MOK: variants seen among roughly 807,000 people sequenced by gnomAD.
MOK encodes the protein MAPK/MAK/MRK overlapping kinase.
MOK carries 59 observed loss-of-function variants against 54.2 expected under a neutral mutation model. That is an observed-to-expected ratio of 1.09 (90% CI 0.88 to 1.35). MOK has a LOEUF of 1.35. MOK is among the 40% of genes most tolerant of loss of function. The pLI is 0.00. For missense variants in MOK, 517 were observed against 526.2 expected, an observed-to-expected ratio of 0.98 and a Z score of 0.17; for synonymous variants, 210 against 202.7, an observed-to-expected ratio of 1.04 and a Z score of -0.31.
chr14:102,296,508 T>C (rs567693903), intron 1 of MOK, among the ~76,000 whole-genome samples: 30 of 152,204 alleles, frequency 2.0e-4, no homozygotes, highest in African/African-American at 1.9e-4. Context: ...CTGTGGCAAA[T>C]AGGGGAAGGT....
Position 102,235,902 on chromosome 14 carries a change from A to T in MOK, c.591-2113T>A, listed in dbSNP as rs2065179718. On this transcript the variant is annotated intron_variant, in intron 7 of 11. Transcript: ENST00000361847. This position sits in a 1 kb window ranked among gnomAD's most constrained non-coding sequence, Gnocchi z 4.4. ...AAAATAAATTAGATAAAGCCCAAAG[A>T]GATCGTGCTAAATACCAGCTTCTAG... Among the ~76,000 whole-genome samples, 2 of 150,488 alleles carry T rather than the reference A, an allele frequency of 1.3e-5. No individual in the cohort carries two copies. Among genetic ancestry groups the T allele is most frequent in the Admixed American group, 6.6e-5 (1 of 15,190 alleles).
In MOK at chr14:102,277,617, C is replaced by CA. The variant is rs560243565; in HGVS notation, c.122+5860dup. Among the ~76,000 whole-genome samples the CA allele has an allele frequency of 5.1e-3, 490 of 95,384 alleles. 3 individuals are homozygous for CA. Among genetic ancestry groups the CA allele is most frequent in the Middle Eastern group, 6.8e-3 (1 of 148 alleles). The allele number at this position is 95,384 out of a possible 152,430, so 62.6% of individuals were successfully genotyped here. On this transcript the variant is annotated intron_variant, in intron 2 of 11. Transcript: ENST00000361847. The stretch of plus-strand genomic sequence containing the variant: ...TGGGCAACAGAGCAAGACTCCGTCT[C>CA]AAAAAAAAAAAAAAAGAGATAAACT...
At chr14:102,291,880 C>G (rs1193931707) in intron 1 of MOK, among the ~76,000 whole-genome samples, 1 of 151,950 alleles carries the variant, frequency 6.6e-6, no homozygotes, top group African/African-American at 2.4e-5. Flanking sequence ...ACTGTCTGAA[C>G]CTGGGAGGCG....
intron 4 of MOK, 125 bp from the exon 5 acceptor site, chr14:102,252,120 T>C: frequency 1.6e-6 from 1 of 644,276 alleles, no homozygotes; most frequent in South Asian, 2.0e-5. Flanking sequence ...AAAAATAATC[T>C]GAAGTAGTCT....
At chr14:102,297,433 A>G (rs1199998848) in intron 1 of MOK, among the ~76,000 whole-genome samples, 1 of 152,246 alleles carries the variant, frequency 6.6e-6, no homozygotes, top group East Asian at 1.9e-4. Context: ...GAAGGAGATG[A>G]AAAGGATTAT....
intron 4 of MOK, among the ~76,000 whole-genome samples, chr14:102,256,262 GC>G (rs1007214348): frequency 4.6e-5 from 7 of 151,766 alleles, no homozygotes; most frequent in African/African-American, 1.7e-4. Context: ...ACACCCGGAT[GC>G]TTTTTTTTTT....
rs1254259622 is a variant in MOK at position 102,245,209 on chromosome 14, C to A, written c.590+5603G>T. On this transcript the variant is annotated intron_variant, in intron 7 of 11. Coordinates refer to ENST00000361847, the MANE Select transcript of MOK (RefSeq NM_014226.3). This position sits in a 1 kb window ranked among gnomAD's most constrained non-coding sequence, Gnocchi z 4.3. ...TCCTTCTAAGAACCCCACAATACCA[C>A]CCATTACCCCAAAATCTTCCTTCAG... Among the ~76,000 whole-genome samples, 1 of 152,060 alleles carries A rather than the reference C, an allele frequency of 6.6e-6. No individual in the cohort carries two copies.
intron 3 of MOK, among the ~76,000 whole-genome samples, chr14:102,265,449 T>C (rs1369793063): frequency 6.6e-6 from 1 of 152,112 alleles, no homozygotes; most frequent in African/African-American, 2.4e-5. Context: ...CTGGCCAACA[T>C]GGTGAAACCC....
chr14:102,243,944 C>T (rs796838982), intron 7 of MOK, among the ~76,000 whole-genome samples: 1 of 151,836 alleles, frequency 6.6e-6, no homozygotes, highest in Admixed American at 6.6e-5. Context: ...AAACTCATTG[C>T]TTTAACTCAA....
chr14:102,266,718 G>A (rs1424739934), intron 2 of MOK, among the ~76,000 whole-genome samples: 2 of 152,088 alleles, frequency 1.3e-5, no homozygotes, highest in Non-Finnish European at 2.9e-5. Flanking sequence ...AAGTAGGTGG[G>A]ATTATAGGCA....
intron 1 of MOK, among the ~76,000 whole-genome samples, chr14:102,286,191 C>T (rs902411823): frequency 7.0e-5 from 10 of 142,760 alleles, no homozygotes; most frequent in African/African-American, 2.1e-4. Flanking sequence ...CCCAGCTACT[C>T]GGGAGGCTGA....
At chr14:102,287,539 G>A (rs1009572042) in intron 1 of MOK, among the ~76,000 whole-genome samples, 2 of 152,036 alleles carry the variant, frequency 1.3e-5, no homozygotes, top group Non-Finnish European at 2.9e-5. Context: ...TCAATACAAA[G>A]ACAATCCAAC....
intron 1 of MOK, among the ~76,000 whole-genome samples, chr14:102,302,087 CTTTTT>C (rs1165298757): frequency 8.0e-6 from 1 of 125,332 alleles, no homozygotes; most frequent in Non-Finnish European, 1.7e-5. Flanking sequence ...CACACATATA[CTTTTT>C]TTTTTTTTTT....
rs1271158725 is a variant in MOK, at chr14:102,240,573, A to T, written c.591-6784T>A. ...TCTCTAGTAGAGACGAAGGAGACAC[A>T]TTTTATCTGTGGACTCAAAACTCCA... On this transcript the variant is annotated intron_variant, in intron 7 of 11. Coordinates refer to ENST00000361847, the MANE Select transcript of MOK (RefSeq NM_014226.3). This position sits in a 1 kb window ranked among gnomAD's most constrained non-coding sequence, Gnocchi z 5.4. 2 of 152,400 alleles carry T rather than the reference A, an allele frequency of 1.3e-5. No individual in the cohort carries two copies. The highest frequency in any genetic ancestry group is 2.4e-5 in the African/African-American group (1 of 41,390). The allele number at this position is 152,400 out of a possible 1,614,324, so 9.4% of individuals were successfully genotyped here.
chr14:102,289,196 C>A (rs963723733), intron 1 of MOK, among the ~76,000 whole-genome samples: 1 of 151,980 alleles, frequency 6.6e-6, no homozygotes, highest in African/African-American at 2.4e-5. Flanking sequence ...CGAGCCACTG[C>A]GCTTGGCCAA....
chr14:102,242,451 TC>T (rs1450189735), intron 7 of MOK, among the ~76,000 whole-genome samples: 1 of 152,082 alleles, frequency 6.6e-6, no homozygotes, highest in Non-Finnish European at 1.5e-5. Context: ...GCCCTTTTCC[TC>T]AGTTCAAAGC....
chr14:102,252,867 C>T (rs1054893450), intron 4 of MOK, among the ~76,000 whole-genome samples: 3 of 152,158 alleles, frequency 2.0e-5, no homozygotes, highest in Admixed American at 6.5e-5. Flanking sequence ...TTCACGGTTA[C>T]GCTAAGAGGG....
chr14:102,278,381 TAA>T (rs71305084), intron 2 of MOK, among the ~76,000 whole-genome samples: 88 of 132,500 alleles, frequency 6.6e-4, no homozygotes, highest in Admixed American at 1.1e-3. Context: ...TACTTTTAAG[TAA>T]AAAAAAAAAA....
intron 7 of MOK, among the ~76,000 whole-genome samples, chr14:102,244,274 A>T (rs377005786): frequency 6.6e-6 from 1 of 152,048 alleles, no homozygotes; most frequent in East Asian, 1.9e-4. Context: ...TCTCCTTCTC[A>T]TCGGTCACTC....
Sources: allele counts gnomAD v4.1 joint callset (sites outside exome capture counted in the v4.1 genomes callset), GRCh38; gene constraint gnomAD v4.1.1; non-coding constraint Gnocchi (gnomAD v3.1); transcripts MANE v1.5; gene names NCBI Gene and HGNC (gene_info 2026-07-23, HGNC 2026-07-21).